Variants in AKR1C2 observed in about 807,000 individuals in gnomAD.
AKR1C2 encodes aldo-keto reductase family 1 member C2.
AKR1C2 carries 27 observed loss-of-function variants against 39.8 expected under a neutral mutation model. The ratio of observed to expected loss-of-function variants is 0.68; its 90% confidence interval spans 0.50 to 0.93. The LOEUF is 0.93. AKR1C2 is among the 40% of genes least tolerant of loss of function. The pLI, the probability that AKR1C2 is intolerant of heterozygous loss-of-function variation, is 0.00. For synonymous variants in AKR1C2, 114 were observed against 137.9 expected, an observed-to-expected ratio of 0.83 and a Z score of 1.22; for missense variants, 263 against 365.1, an observed-to-expected ratio of 0.72 and a Z score of 2.28.
intron 1 of AKR1C2, among the ~76,000 whole-genome samples, chr10:5,002,536 T>G (rs1837304673): frequency 6.6e-6 from 1 of 150,628 alleles, no homozygotes; most frequent in African/African-American, 2.4e-5. Flanking sequence ...AGGGAGTAAG[T>G]GATTAGCAAA....
Position 4,990,094 on chromosome 10 carries a change from C to T in AKR1C2, c.930-56G>A, listed in dbSNP as rs4307630. On this transcript the variant is annotated intron_variant, in intron 8 of 8. Coordinates refer to ENST00000380753, the MANE Select transcript of AKR1C2 (RefSeq NM_001393392.1). ...AATGGCAATGACTCCGTTACTAGCC[C>T]GTAGCGCAGTGATTTCTAGGAAGCT... is the stretch of plus-strand genomic sequence containing the variant. 17 of 1,603,202 alleles carry T rather than the reference C, an allele frequency of 1.1e-5. No homozygotes were observed. The African/African-American group carries it at 1.3e-4, about 13-fold the overall frequency.
intron 3 of AKR1C2, chr10:4,999,519 G>A: frequency 2.9e-6 from 2 of 679,980 alleles, no homozygotes; most frequent in South Asian, 2.5e-5. Flanking sequence ...GGTTCCTAAT[G>A]GAGTGTCATC....
At chr10:4,994,381 C>T (rs1317707211) in intron 7 of AKR1C2, among the ~76,000 whole-genome samples, 42 of 151,992 alleles carry the variant, frequency 2.8e-4, no homozygotes, top group Non-Finnish European at 5.0e-4. Context: ...TCCCTGTGTC[C>T]ACTTGCTTGG....
intron 1 of AKR1C2, among the ~76,000 whole-genome samples, chr10:5,009,097 G>A (rs1554774675): frequency 6.6e-6 from 1 of 152,178 alleles, no homozygotes; most frequent in African/African-American, 2.4e-5. Context: ...GGAGGCTGAG[G>A]TACTGCTGAT....
At chr10:5,015,066 C>T (rs548213235) in intron 1 of AKR1C2, 1 of 152,352 alleles carries the variant, frequency 6.6e-6, no homozygotes, top group South Asian at 2.1e-4. Flanking sequence ...CCACAAAGAG[C>T]ATCCAGTCTC....
chr10:4,991,786 C>T (rs1415318701), intron 8 of AKR1C2, 45 bp downstream of exon 8: 3 of 410,642 alleles, frequency 7.3e-6, no homozygotes, highest in Admixed American at 9.1e-5. Context: ...TCCTACGTTC[C>T]TCCTCTGAAA....
At chr10:4,991,193 C>T (rs1253462886) in intron 8 of AKR1C2, among the ~76,000 whole-genome samples, 1 of 151,426 alleles carries the variant, frequency 6.6e-6, no homozygotes, top group Non-Finnish European at 1.5e-5. Context: ...TCATTCTCTA[C>T]ACTGAGATCT....
chr10:4,993,162 A>G (rs1564326731), intron 7 of AKR1C2, among the ~76,000 whole-genome samples: 1 of 152,238 alleles, frequency 6.6e-6, no homozygotes, highest in Non-Finnish European at 1.5e-5. Flanking sequence ...GAAGTTAATA[A>G]GATGATTCAA....
chr10:4,994,296 A>C (rs1339345641), intron 7 of AKR1C2, among the ~76,000 whole-genome samples: 12 of 152,074 alleles, frequency 7.9e-5, no homozygotes, highest in Admixed American at 7.9e-4. Flanking sequence ...CATACATATA[A>C]CTATTGATAT....
chr10:5,015,433 G>A (rs1837616987), intron 1 of AKR1C2, among the ~76,000 whole-genome samples: 1 of 152,032 alleles, frequency 6.6e-6, no homozygotes, highest in African/African-American at 2.4e-5. Flanking sequence ...ATGTCCCCAG[G>A]GGCTTATAAT....
intron 5 of AKR1C2, among the ~76,000 whole-genome samples, chr10:4,996,316 A>G (rs1269345109): frequency 6.6e-6 from 1 of 151,722 alleles, no homozygotes; most frequent in Non-Finnish European, 1.5e-5. Context: ...TATATCATAT[A>G]TGCCATCTAT....
intron 1 of AKR1C2, chr10:5,013,507 G>A (rs1132229): frequency 0.45 from 86,719 of 194,386 alleles, 20,532 homozygotes; most frequent in African/African-American, 0.57. Context: ...CTGGTTGTAG[G>A]TGGGCTTGTA....
At chr10:5,013,024 G>T (rs1363433505) in intron 1 of AKR1C2, among the ~76,000 whole-genome samples, 1 of 151,988 alleles carries the variant, frequency 6.6e-6, no homozygotes, top group African/African-American at 2.4e-5. Context: ...CTCTATTCAG[G>T]CTGTTGCCTC....
At chr10:5,005,524 C>CG (rs1554774318), upstream of AKR1C2, among the ~76,000 whole-genome samples, 1 of 7,014 alleles carries the variant, frequency 1.4e-4, no homozygotes, top group Admixed American at 2.4e-3. Context: ...CTACTAAAAT[C>CG]CAAAAAAAAA....
chr10:4,992,249 T>C (rs1344207499), intron 7 of AKR1C2, among the ~76,000 whole-genome samples: 1 of 151,930 alleles, frequency 6.6e-6, no homozygotes, highest in African/African-American at 2.4e-5. Context: ...AGGCAAATTT[T>C]GTAATGTCTA....
intron 1 of AKR1C2, among the ~76,000 whole-genome samples, chr10:5,002,319 TTATC>T (rs1278742520): frequency 2.3e-4 from 35 of 152,178 alleles, no homozygotes; most frequent in Non-Finnish European, 4.4e-4. Flanking sequence ...GCCACCATTC[TTATC>T]AGTTAGGAAA....
chr10:4,999,159 C>T lies in AKR1C2; in HGVS notation c.447+41G>A, dbSNP rs782259003. The T allele has an allele frequency of 1.0e-4, 152 of 1,526,744 alleles. 5 individuals carry two copies. In the South Asian group the frequency reaches 1.7e-3, roughly 17 times the overall value. 94.6% of individuals were successfully genotyped at this position (1,526,744 alleles called of 1,614,324 possible). On this transcript the variant is annotated intron_variant, in intron 4 of 8. Transcript: ENST00000380753. Reference sequence around the variant, plus strand: ...GAAGATAGGAAACAGATGTATCCTACCTCATCTTTCTTATCCGTTCTCTCA... The same window carrying T: ...GAAGATAGGAAACAGATGTATCCTATCTCATCTTTCTTATCCGTTCTCTCA...
intron 1 of AKR1C2, among the ~76,000 whole-genome samples, chr10:5,010,995 A>G (rs1284276436): frequency 5.9e-5 from 9 of 151,974 alleles, no homozygotes; most frequent in Non-Finnish European, 1.3e-4. Context: ...AGAGAATAGG[A>G]AGAGATGCAT....
At chr10:5,004,605 GT>G (rs1189760845), upstream of AKR1C2, 1 of 152,176 alleles carries the variant, frequency 6.6e-6, no homozygotes, top group Non-Finnish European at 1.5e-5. Flanking sequence ...CTACCAAAAA[GT>G]AACAAGCCAA....
Sources: allele counts gnomAD v4.1 joint callset (sites outside exome capture counted in the v4.1 genomes callset), GRCh38; gene constraint gnomAD v4.1.1; transcripts MANE v1.5; gene names NCBI Gene and HGNC (gene_info 2026-07-23, HGNC 2026-07-21).